The following ZBTB16 variants were observed in gnomAD, a reference collection of about 807,000 sequenced individuals.
ZBTB16 encodes the protein zinc finger and BTB domain containing 16.
A neutral mutation model predicts 56.8 loss-of-function variants in ZBTB16; 8 were observed. That is an observed-to-expected ratio of 0.14 (90% confidence interval 0.08 to 0.25). ZBTB16 has a LOEUF of 0.25. ZBTB16 is among the 10% of genes least tolerant of loss of function. ZBTB16 has a pLI of 1.00. For synonymous variants in ZBTB16, 363 were observed against 368.5 expected (o/e 0.98, Z 0.17); for missense variants, 625 against 903.0 (o/e 0.69, Z 3.95).
rs150162220 is a variant in ZBTB16 at position 114,215,258 on chromosome 11, A to G, written c.1454-26909A>G. 6.5e-3 allele frequency among the ~76,000 whole-genome samples: 990 copies of G among 152,332 alleles called. 9 individuals are homozygous for G. Among genetic ancestry groups the G allele is most frequent in the African/African-American group, 0.022 (902 of 41,574 alleles). Reference sequence around the variant, plus strand: ...TGGACCTACACTGGCTGCCTGCCGTAAAATAACTTGTTTTAGAAGTTGGCC... The same window carrying G: ...TGGACCTACACTGGCTGCCTGCCGTGAAATAACTTGTTTTAGAAGTTGGCC... On this transcript the variant is annotated intron_variant, in intron 4 of 6. Transcript: ENST00000335953.
In ZBTB16 at chr11:114,252,570, C is replaced by T. The variant is rs924963476; in HGVS notation, c.*2015C>T. Among the ~76,000 whole-genome samples, 3 of 152,142 alleles carry T rather than the reference C, an allele frequency of 2.0e-5. No homozygotes were observed. Among genetic ancestry groups the T allele is most frequent in the Non-Finnish European group, 4.4e-5 (3 of 68,026 alleles). ...TTTTGGAAAGCACATTTGCAATATT[C>T]GTGTTTGCTTTGGGACGGACCCTCC... On this transcript the variant is annotated 3_prime_UTR_variant, in exon 7 of 7. Transcript: ENST00000335953.
intron 3 of ZBTB16, among the ~76,000 whole-genome samples, chr11:114,166,379 G>T (rs1942758574): frequency 6.6e-6 from 1 of 152,026 alleles, no homozygotes; most frequent in Non-Finnish European, 1.5e-5. Flanking sequence ...AGTCCTTTGG[G>T]TAGAGGGACT....
At chr11:114,103,606 C>G (rs764872775) in intron 2 of ZBTB16, among the ~76,000 whole-genome samples, 1 of 151,928 alleles carries the variant, frequency 6.6e-6, no homozygotes, top group Non-Finnish European at 1.5e-5. Context: ...GGATTAACTC[C>G]TCGTGGCCCC....
intron 3 of ZBTB16, among the ~76,000 whole-genome samples, chr11:114,163,859 C>T (rs1443072354): frequency 6.6e-6 from 1 of 152,168 alleles, no homozygotes; most frequent in Non-Finnish European, 1.5e-5. Flanking sequence ...TTATGTCTAT[C>T]CATTTACATG....
intron 5 of ZBTB16, among the ~76,000 whole-genome samples, chr11:114,242,874 C>T (rs1271055005): frequency 6.6e-6 from 1 of 152,178 alleles, no homozygotes; most frequent in Non-Finnish European, 1.5e-5. Flanking sequence ...TGGACCTTAA[C>T]CCTGTTTAGG....
chr11:114,228,280 T>G (rs1007433205), intron 4 of ZBTB16, among the ~76,000 whole-genome samples: 21 of 152,194 alleles, frequency 1.4e-4, no homozygotes, highest in African/African-American at 4.1e-4. Flanking sequence ...ACTACCATAT[T>G]TTTGCGGGAG....
At chr11:114,216,412 C>T (rs1944097926) in intron 4 of ZBTB16, among the ~76,000 whole-genome samples, 1 of 152,214 alleles carries the variant, frequency 6.6e-6, no homozygotes, top group African/African-American at 2.4e-5. Context: ...TGATAAATTG[C>T]TGTTCCAGTC....
At chr11:114,070,266 G>A (rs1455368480) in intron 2 of ZBTB16, among the ~76,000 whole-genome samples, 5 of 150,986 alleles carry the variant, frequency 3.3e-5, no homozygotes, top group Admixed American at 6.6e-5. Context: ...CCGCCACCGC[G>A]CCCGGCTAAT....
intron 3 of ZBTB16, among the ~76,000 whole-genome samples, chr11:114,176,204 T>C (rs1359697025): frequency 4.6e-5 from 7 of 152,074 alleles, no homozygotes; most frequent in Admixed American, 1.3e-4. Context: ...TCTGAACTTC[T>C]CTCCTGAGAA....
intron 3 of ZBTB16, among the ~76,000 whole-genome samples, chr11:114,184,267 A>G (rs1399759606): frequency 2.0e-5 from 3 of 152,204 alleles, no homozygotes; most frequent in African/African-American, 2.4e-5. Context: ...GGGTCCTCAT[A>G]TTCTTCACTG....
Position 114,204,087 on chromosome 11 carries a change from G to A in ZBTB16, c.1453+17049G>A, listed in dbSNP as rs1012335972. Among the ~76,000 whole-genome samples, 5 of 152,036 alleles carry A rather than the reference G, an allele frequency of 3.3e-5. No homozygotes were observed. The East Asian group carries it at 9.6e-4, about 29-fold the overall frequency. On this transcript the variant is annotated intron_variant, in intron 4 of 6. Coordinates refer to ENST00000335953, the MANE Select transcript of ZBTB16 (RefSeq NM_006006.6). ...TTAAGAAAAATCATACCTGTAATAC[G>A]GCTTCAGTGTGGGGAAATTAGAAAA... is the stretch of plus-strand genomic sequence containing the variant.
intron 2 of ZBTB16, among the ~76,000 whole-genome samples, chr11:114,125,218 C>G (rs895363714): frequency 6.6e-6 from 1 of 152,172 alleles, no homozygotes; most frequent in African/African-American, 2.4e-5. Flanking sequence ...TTCAGCTCTC[C>G]TCTAGGGAAA....
chr11:114,138,198 G>A (rs1373989876), intron 2 of ZBTB16, among the ~76,000 whole-genome samples: 1 of 152,200 alleles, frequency 6.6e-6, no homozygotes, highest in Admixed American at 6.5e-5. Flanking sequence ...GAGTAAAACA[G>A]GCCATGTGAC....
chr11:114,090,535 T>C (rs1940147559), intron 2 of ZBTB16, among the ~76,000 whole-genome samples: 1 of 152,206 alleles, frequency 6.6e-6, no homozygotes, highest in Non-Finnish European at 1.5e-5. Flanking sequence ...ACGTGTGGAC[T>C]TTCTGGTGGT....
At chr11:114,185,360 A>C (rs1020663387) in intron 3 of ZBTB16, among the ~76,000 whole-genome samples, 3 of 152,256 alleles carry the variant, frequency 2.0e-5, no homozygotes, top group Admixed American at 2.0e-4. Flanking sequence ...AACAGATGGA[A>C]GAATGGGACT....
chr11:114,161,600 G>T (rs77917745), intron 3 of ZBTB16, among the ~76,000 whole-genome samples: 1 of 152,140 alleles, frequency 6.6e-6, no homozygotes. Flanking sequence ...AGGGGAAGCC[G>T]AAGCCACCTA....
intron 2 of ZBTB16, among the ~76,000 whole-genome samples, chr11:114,148,898 GTGTA>G (rs1455702418): frequency 6.9e-6 from 1 of 144,814 alleles, no homozygotes; most frequent in Non-Finnish European, 1.5e-5. Context: ...GTGTGTGTGT[GTGTA>G]TCCGCATGTG....
In ZBTB16 at chr11:114,159,934, A is replaced by AGGC. The variant is rs1196757847; in HGVS notation, c.1366+3503_1366+3505dup. Among the ~76,000 whole-genome samples, 162 of 50,626 alleles carry AGGC rather than the reference A, an allele frequency of 3.2e-3. 13 individuals carry two copies. The highest frequency in any genetic ancestry group is 9.8e-4 in the African/African-American group (4 of 4,078). The allele number at this position is 50,626 out of a possible 152,430, so 33.2% of individuals were successfully genotyped here. A position where few individuals can be genotyped will look rare whatever the true frequency, so the allele number is the denominator to read the frequency against. On this transcript the variant is annotated intron_variant, in intron 3 of 6. Coordinates refer to ENST00000335953, the MANE Select transcript of ZBTB16 (RefSeq NM_006006.6). ...GTTGCTCCAGAACCCTGGGCGGGGGAGGCGGGGGGGAGGCGAGCATTTTTT... is the reference window on the plus strand; with the variant it reads ...GTTGCTCCAGAACCCTGGGCGGGGGAGGCGGCGGGGGGGAGGCGAGCATTTTTT...
Position 114,064,136 on chromosome 11 carries a change from G to A in ZBTB16, c.836G>A (p.Gly279Glu). ...GDKVEERGKE[G>E]PGTPTRSSVI... Reference sequence around the variant, plus strand: ...AAGGTTGAGGAAAGAGGCAAAGAGGGGCCTGGGACCCCGACTCGAAGCAGC... The same window carrying A: ...AAGGTTGAGGAAAGAGGCAAAGAGGAGCCTGGGACCCCGACTCGAAGCAGC... Residue 279 changes from glycine to glutamate, a missense_variant, in exon 2 of 7, where the codon GGG becomes GAG. This residue lies in a region of ZBTB16 where 384 missense variants were observed against 393.5 expected (regional missense o/e 0.98). Coordinates refer to ENST00000335953, the MANE Select transcript of ZBTB16 (RefSeq NM_006006.6). This position sits in a 1 kb window ranked among gnomAD's most constrained non-coding sequence, Gnocchi z 4.2. The A allele has an allele frequency of 6.2e-7, 1 of 1,613,914 alleles. No homozygotes were observed. The highest frequency in any genetic ancestry group is 8.5e-7 in the Non-Finnish European group (1 of 1,180,040).
Sources: allele counts gnomAD v4.1 joint callset (sites outside exome capture counted in the v4.1 genomes callset), GRCh38; gene constraint gnomAD v4.1.1; regional missense constraint gnomAD v4.1.1; non-coding constraint Gnocchi (gnomAD v3.1); transcripts MANE v1.5; gene names NCBI Gene and HGNC (gene_info 2026-07-23, HGNC 2026-07-21).